The following HCN1 variants were observed in gnomAD, a reference collection of about 807,000 sequenced individuals.
HCN1 encodes hyperpolarization activated cyclic nucleotide gated potassium channel 1.
In HCN1, 13 loss-of-function variants were observed where a neutral mutation model predicts 78.9. The observed-to-expected ratio is 0.16, with a 90% CI of 0.11 to 0.26. The LOEUF is 0.26. Ranked by LOEUF, HCN1 falls within the 10% of genes least tolerant of loss-of-function variation. The pLI, the probability that HCN1 is intolerant of heterozygous loss-of-function variation, is 1.00. For synonymous variants in HCN1, 552 were observed against 455.5 expected (o/e 1.21, Z -2.70); for missense variants, 810 against 1,154.3 (o/e 0.70, Z 4.32).
intron 7 of HCN1, among the ~76,000 whole-genome samples, chr5:45,265,760 T>C (rs1744843689): frequency 6.6e-6 from 1 of 152,340 alleles, no homozygotes; most frequent in East Asian, 1.9e-4. Context: ...CCTCCCTTCC[T>C]ACCTCTCTTC....
At chr5:45,287,680 T>C (rs914094313) in intron 6 of HCN1, among the ~76,000 whole-genome samples, 3 of 152,036 alleles carry the variant, frequency 2.0e-5, no homozygotes, top group African/African-American at 7.2e-5. Flanking sequence ...CATGATTATT[T>C]ATTCCACCCT....
At chr5:45,367,150 A>G (rs752468530) in intron 4 of HCN1, among the ~76,000 whole-genome samples, 1 of 151,790 alleles carries the variant, frequency 6.6e-6, no homozygotes, top group Non-Finnish European at 1.5e-5. Flanking sequence ...CAGAATAAGA[A>G]AAATCATAGT....
chr5:45,478,992 G>A (rs908881243), intron 2 of HCN1, among the ~76,000 whole-genome samples: 1 of 151,922 alleles, frequency 6.6e-6, no homozygotes, highest in Non-Finnish European at 1.5e-5. Context: ...AAGGTGGCAC[G>A]TTCCTATAAT....
intron 2 of HCN1, among the ~76,000 whole-genome samples, chr5:45,536,554 A>G (rs969604551): frequency 5.3e-5 from 8 of 152,050 alleles, no homozygotes; most frequent in Admixed American, 2.0e-4. Flanking sequence ...TTCTTTGTTG[A>G]GATTAAATTC....
chr5:45,458,723 T>C (rs1442342441), intron 3 of HCN1, among the ~76,000 whole-genome samples: 5 of 152,154 alleles, frequency 3.3e-5, no homozygotes, highest in African/African-American at 1.2e-4. Context: ...TTCTATAATC[T>C]AGCTGTGTGA....
intron 1 of HCN1, among the ~76,000 whole-genome samples, chr5:45,664,365 C>A (rs1450125465): frequency 2.2e-4 from 31 of 141,500 alleles, no homozygotes; most frequent in Admixed American, 1.6e-3. Context: ...CTAGATGACA[C>A]GTTAGTGGGT....
At chr5:45,641,629 T>TA (rs1454247371) in intron 2 of HCN1, 3 of 152,190 alleles carry the variant, frequency 2.0e-5, no homozygotes, top group African/African-American at 7.2e-5. Context: ...TCCCACTTTT[T>TA]AAAATTAAGA....
chr5:45,281,950 T>C (rs1745178476), intron 6 of HCN1, among the ~76,000 whole-genome samples: 1 of 152,096 alleles, frequency 6.6e-6, no homozygotes, highest in Non-Finnish European at 1.5e-5. Context: ...AAGATTCACA[T>C]ACAAAGATAT....
chr5:45,650,940 A>T (rs1157495324), intron 1 of HCN1, among the ~76,000 whole-genome samples: 3 of 151,928 alleles, frequency 2.0e-5, no homozygotes, highest in Non-Finnish European at 4.4e-5. Flanking sequence ...GACATTTCTA[A>T]CCTAAAGCTT....
At position 45,504,596 on chromosome 5, in the gene HCN1, A is replaced by G. The variant is rs550997103; in HGVS notation, c.850-42589T>C. On this transcript the variant is annotated intron_variant, in intron 2 of 7. Coordinates refer to ENST00000303230, the MANE Select transcript of HCN1 (RefSeq NM_021072.4). ...TGTCTTTATAGCAGCATGATTTATAATCCTTTGGGTATATACCCAGTAATG... is the reference window on the plus strand; with the variant it reads ...TGTCTTTATAGCAGCATGATTTATAGTCCTTTGGGTATATACCCAGTAATG... Among the ~76,000 whole-genome samples, 736 of 152,208 alleles carry G rather than the reference A, an allele frequency of 4.8e-3. 1 individual carries two copies. The highest frequency in any genetic ancestry group is 8.5e-3 in the Non-Finnish European group (576 of 68,006).
chr5:45,659,206 C>G (rs1386303691), intron 1 of HCN1, among the ~76,000 whole-genome samples: 1 of 147,942 alleles, frequency 6.8e-6, no homozygotes, highest in Non-Finnish European at 1.5e-5. Context: ...TGACACCTCA[C>G]ACGGCAGGGT....
chr5:45,303,615 A>G lies in HCN1; in HGVS notation c.1602T>C (p.Asp534=). The G allele has an allele frequency of 6.2e-7, 1 of 1,613,396 alleles. No homozygotes were observed. Among genetic ancestry groups the G allele is most frequent in the African/African-American group, 1.3e-5 (1 of 75,020 alleles). ...TKSSKEMKLT[D]GSYFGEICLL... is the part of the protein sequence containing the mutation. ...TTTACTAACCTCCAAAGTAAGAGCC[A>G]TCTGTCAGCTTCATTTCTTTACTGG... The change falls in exon 6 of 8, where the codon GAT becomes GAC. Residue 534 remains aspartate, a synonymous_variant. Transcript: ENST00000303230.
At chr5:45,375,264 T>C (rs1339104591) in intron 4 of HCN1, among the ~76,000 whole-genome samples, 3 of 120,888 alleles carry the variant, frequency 2.5e-5, no homozygotes, top group Admixed American at 1.0e-4. Flanking sequence ...TATAATATTT[T>C]ATAATATATA....
chr5:45,262,229 A>T lies in HCN1; in HGVS notation c.2365T>A (p.Ser789Thr). The T allele has an allele frequency of 1.2e-6, 2 of 1,614,034 alleles. No individual in the cohort carries two copies. The highest frequency in any genetic ancestry group is 1.7e-6 in the Non-Finnish European group (2 of 1,180,022). Residue 789 changes from serine (S) to threonine (T), a missense_variant, in exon 8 of 8, where the codon TCG (serine) becomes ACG (threonine). By Grantham distance (58) the Ser-to-Thr change is moderately conservative. This residue lies in a region of HCN1 where 398 missense variants were observed against 381.3 expected (regional missense o/e 1.04). Coordinates refer to ENST00000303230, the MANE Select transcript of HCN1 (RefSeq NM_021072.4). The stretch of plus-strand genomic sequence containing the variant: ...ACCTCATGGGGCAGCGAGGGCTGCG[A>T]GGCGGAGAGTGGCCTGACTTCCCGG... ...LTREVRPLSA[S>T]QPSLPHEVST...
chr5:45,598,147 G>A (rs1476768630), intron 2 of HCN1, among the ~76,000 whole-genome samples: 4 of 152,160 alleles, frequency 2.6e-5, no homozygotes, highest in Middle Eastern at 3.4e-3. Flanking sequence ...GAGGCATGAC[G>A]ATACCCGACT....
At chr5:45,303,860 C>T (rs1470611996) in intron 5 of HCN1, 21 bp from the exon 6 acceptor site, 10 of 1,604,088 alleles carry the variant, frequency 6.2e-6, no homozygotes, top group East Asian at 2.2e-5. Context: ...CAAGAGTAAA[C>T]AAATATTAAG....
intron 2 of HCN1, among the ~76,000 whole-genome samples, chr5:45,616,393 T>A (rs949516961): frequency 6.6e-6 from 1 of 151,894 alleles, no homozygotes; most frequent in Non-Finnish European, 1.5e-5. Context: ...TAGTAAAAAA[T>A]TAAAATAACA....
At chr5:45,592,245 T>C (rs1174108611) in intron 2 of HCN1, among the ~76,000 whole-genome samples, 1 of 152,108 alleles carries the variant, frequency 6.6e-6, no homozygotes, top group Admixed American at 6.6e-5. Flanking sequence ...TAATCAATTG[T>C]TTTAAGTATT....
At chr5:45,525,264 C>G (rs1466174911) in intron 2 of HCN1, among the ~76,000 whole-genome samples, 1 of 151,876 alleles carries the variant, frequency 6.6e-6, no homozygotes, top group Non-Finnish European at 1.5e-5. Context: ...ACAATGAACA[C>G]TTAGTATCCT....
Sources: gnomAD v4.1 joint callset for allele counts (sites outside exome capture counted in the v4.1 genomes callset) on GRCh38, gnomAD v4.1.1 for gene constraint, gnomAD v4.1.1 regional missense constraint, MANE v1.5 for transcripts, NCBI Gene and HGNC (gene_info 2026-07-23, HGNC 2026-07-21) for gene names.